PRKG2: variants seen among roughly 807,000 people sequenced by gnomAD.
The protein encoded by PRKG2 is protein kinase cGMP-dependent 2.
Under a neutral mutation model 97.2 loss-of-function variants are expected in PRKG2, and 33 were observed. That is an observed-to-expected ratio of 0.34 (90% CI 0.26 to 0.45). The LOEUF is 0.45. PRKG2 is among the 20% of genes least tolerant of loss of function. The pLI is 1.00. For synonymous variants in PRKG2, 330 were observed against 321.8 expected (o/e 1.03, Z -0.27); for missense variants, 638 against 900.0 (o/e 0.71, Z 3.73).
At chr4:81,156,003 A>G (rs939400749) in intron 6 of PRKG2, among the ~76,000 whole-genome samples, 1 of 152,182 alleles carries the variant, frequency 6.6e-6, no homozygotes, top group African/African-American at 2.4e-5. Flanking sequence ...CATCGAGACT[A>G]GGAAGAAACT....
chr4:81,169,640 G>A, intron 5 of PRKG2, 23 bp downstream of exon 5: 1 of 1,495,520 alleles, frequency 6.7e-7, no homozygotes, highest in Non-Finnish European at 9.3e-7. Flanking sequence ...TGTCTTCACT[G>A]TCTCCCAATG....
chr4:81,157,903 T>C (rs1749250166), intron 6 of PRKG2, among the ~76,000 whole-genome samples: 1 of 146,702 alleles, frequency 6.8e-6, no homozygotes, highest in South Asian at 2.1e-4. Flanking sequence ...AAACTCTCAA[T>C]AAATTAGGTA....
At chr4:81,162,899 T>G (rs1749687562) in intron 6 of PRKG2, among the ~76,000 whole-genome samples, 1 of 152,176 alleles carries the variant, frequency 6.6e-6, no homozygotes, top group African/African-American at 2.4e-5. Flanking sequence ...ATTACCCACA[T>G]GGAGCAGAAG....
At chr4:81,187,980 A>C (rs2110106705) in intron 2 of PRKG2, among the ~76,000 whole-genome samples, 1 of 152,300 alleles carries the variant, frequency 6.6e-6, no homozygotes, top group South Asian at 2.1e-4. Context: ...TTCATGTCTA[A>C]AACACCAAAA....
At chr4:81,142,279 T>G (rs1223093729) in intron 11 of PRKG2, among the ~76,000 whole-genome samples, 2 of 152,224 alleles carry the variant, frequency 1.3e-5, no homozygotes, top group African/African-American at 4.8e-5. Flanking sequence ...TTCATCTTCT[T>G]TTCTTTTCTC....
At chr4:81,123,115 T>A (rs1235822494) in intron 14 of PRKG2, among the ~76,000 whole-genome samples, 5 of 152,240 alleles carry the variant, frequency 3.3e-5, no homozygotes, top group Non-Finnish European at 7.4e-5. Flanking sequence ...TTCTAAAGCT[T>A]TAGTGATTTT....
At chr4:81,099,661 G>A (rs1206210269) in intron 17 of PRKG2, among the ~76,000 whole-genome samples, 2 of 152,110 alleles carry the variant, frequency 1.3e-5, no homozygotes, top group African/African-American at 4.8e-5. Flanking sequence ...ACAAGACAGG[G>A]ATGCCCTCTC....
intron 17 of PRKG2, among the ~76,000 whole-genome samples, chr4:81,097,511 T>A (rs1218788859): frequency 1.3e-5 from 2 of 152,190 alleles, no homozygotes; most frequent in African/African-American, 4.8e-5. Flanking sequence ...GTATTCCTAA[T>A]AAGAGAGTTA....
chr4:81,174,619 A>G (rs1750764283), intron 3 of PRKG2, among the ~76,000 whole-genome samples, 174 bp downstream of exon 3: 1 of 152,042 alleles, frequency 6.6e-6, no homozygotes, highest in South Asian at 2.1e-4. Context: ...AAATATTACC[A>G]TCAATTAAAC....
At chr4:81,183,878 G>A (rs1009452389) in intron 2 of PRKG2, among the ~76,000 whole-genome samples, 1 of 152,184 alleles carries the variant, frequency 6.6e-6, no homozygotes, top group African/African-American at 2.4e-5. Flanking sequence ...AAGCTGCAGG[G>A]AAGTTCAAAC....
At chr4:81,106,306 C>A (rs1036382422) in intron 15 of PRKG2, among the ~76,000 whole-genome samples, 1 of 152,096 alleles carries the variant, frequency 6.6e-6, no homozygotes. Context: ...GTGAATGCAC[C>A]GCACCACTAC....
At position 81,091,414 on chromosome 4, in the gene PRKG2, C is replaced by T. The variant is rs1031244135; in HGVS notation, c.2193+972G>A. ...TCTCCTGCCTCAGCCTCCTGAGTAGCTGGGATGACAGGTGCCCGCCACCAT... is the reference window on the plus strand; with the variant it reads ...TCTCCTGCCTCAGCCTCCTGAGTAGTTGGGATGACAGGTGCCCGCCACCAT... On this transcript the variant is annotated intron_variant, in intron 18 of 18. Transcript: ENST00000264399. Among the ~76,000 whole-genome samples, 9 of 152,092 alleles carry T rather than the reference C, an allele frequency of 5.9e-5. 1 individual carries two copies. Among genetic ancestry groups the T allele is most frequent in the Admixed American group, 4.6e-4 (7 of 15,264 alleles).
At position 81,105,823 on chromosome 4, in the gene PRKG2, T is replaced by G. The variant is rs765923897; in HGVS notation, c.2053A>C (p.Arg685=). Residue 685 remains arginine, a synonymous_variant, in exon 16 of 19, where the codon AGG becomes CGG. Transcript: ENST00000264399. ...GACTGTCATTCTCACCTGCAAAGCC[T>G]CCGAATCAAATCCTCAGGTCGTCGT... is the stretch of plus-strand genomic sequence containing the variant. ...ITRRPEDLIR[R]LCRQNPTERL... 2.5e-6 allele frequency: 4 copies of G among 1,613,820 alleles called. No individual in the cohort carries two copies. The highest frequency in any genetic ancestry group is 1.1e-5 in the South Asian group (1 of 91,078).
At chr4:81,098,306 C>T (rs938720162) in intron 17 of PRKG2, among the ~76,000 whole-genome samples, 2 of 135,772 alleles carry the variant, frequency 1.5e-5, no homozygotes, top group African/African-American at 7.0e-5. Flanking sequence ...TATTGTGGGA[C>T]CTTGTGATCG....
intron 6 of PRKG2, among the ~76,000 whole-genome samples, chr4:81,159,034 C>T (rs531222341): frequency 0.022 from 3,357 of 152,094 alleles, 53 homozygotes; most frequent in Middle Eastern, 0.034. Context: ...CATTACCATT[C>T]GGGACATAGG....
At chr4:81,180,388 C>T (rs1268395016) in intron 2 of PRKG2, among the ~76,000 whole-genome samples, 2 of 151,568 alleles carry the variant, frequency 1.3e-5, no homozygotes, top group South Asian at 2.1e-4. Context: ...GTGTATATTG[C>T]TAATAAGATA....
intron 6 of PRKG2, among the ~76,000 whole-genome samples, chr4:81,163,045 A>C (rs921421473): frequency 6.6e-6 from 1 of 152,148 alleles, no homozygotes; most frequent in Admixed American, 6.6e-5. Flanking sequence ...GGGGATACTG[A>C]GGAAGACCTT....
chr4:81,096,038 A>G (rs571329365), intron 17 of PRKG2, among the ~76,000 whole-genome samples: 4 of 152,262 alleles, frequency 2.6e-5, no homozygotes, highest in African/African-American at 9.6e-5. Flanking sequence ...TCTTTTTGCT[A>G]TGGTCAAAAA....
intron 18 of PRKG2, among the ~76,000 whole-genome samples, chr4:81,091,343 C>A (rs755804480): frequency 6.6e-6 from 1 of 151,924 alleles, no homozygotes; most frequent in South Asian, 2.1e-4. Flanking sequence ...AGTGCAGTGG[C>A]GTGATCTCGG....
Sources: gnomAD v4.1 joint callset for allele counts (sites outside exome capture counted in the v4.1 genomes callset) on GRCh38, gnomAD v4.1.1 for gene constraint, MANE v1.5 for transcripts, NCBI Gene and HGNC (gene_info 2026-07-23, HGNC 2026-07-21) for gene names.